The following TJP3 variants were observed in gnomAD, a reference collection of about 807,000 sequenced individuals.
TJP3 encodes the protein tight junction protein ZO-3.
TJP3 carries 85 observed loss-of-function variants against 104.2 expected under a neutral mutation model. The ratio of observed to expected loss-of-function variants is 0.82; its 90% CI spans 0.68 to 0.98. The LOEUF (loss-of-function observed/expected upper bound fraction) is 0.98, where lower values mean the gene tolerates loss of function less well. TJP3 is among the 50% of genes least tolerant of loss of function. The probability of loss-of-function intolerance (pLI) is 0.00; values close to 1 mark genes in which losing one functional copy is unlikely to be tolerated. For synonymous variants in TJP3, 550 were observed against 550.6 expected (o/e 1.00, Z 0.02); for missense variants, 1,367 against 1,322.8 (o/e 1.03, Z -0.52).
Position 3,740,744 on chromosome 19 carries a change from A to G in TJP3, c.1824A>G (p.Glu608=), listed in dbSNP as rs2036804802. ...GACAGGGCCGCTACCCGCCCTACGA[A>G]CGAGTGGTGTTGCGAGAAGGTGGGG... The part of the protein sequence containing the change: ...LTRQGRYPPY[E]RVVLREASFK... Residue 608 remains glutamate, a synonymous_variant, in exon 14 of 21, where the codon GAA becomes GAG. Transcript: ENST00000541714. 1.9e-6 allele frequency: 3 copies of G among 1,587,300 alleles called. No homozygotes were observed. The highest frequency in any genetic ancestry group is 2.6e-6 in the Non-Finnish European group (3 of 1,167,778).
intron 15 of TJP3, among the ~76,000 whole-genome samples, 180 bp from the exon 16 acceptor site, chr19:3,745,831 G>A (rs951151555): frequency 6.6e-6 from 1 of 152,248 alleles, no homozygotes; most frequent in African/African-American, 2.4e-5. Flanking sequence ...GAGGTCAGGA[G>A]GGGATGTGAG....
intron 1 of TJP3, among the ~76,000 whole-genome samples, chr19:3,712,483 C>T (rs1187374525): frequency 6.6e-6 from 1 of 152,152 alleles, no homozygotes; most frequent in Non-Finnish European, 1.5e-5. Flanking sequence ...TCCTTAGTGG[C>T]AGATGCTTAA....
rs13345836 is a variant in TJP3, at chr19:3,717,265, C to T, written c.-10+8704C>T. On this transcript the variant is annotated intron_variant, in intron 1 of 20. Transcript: ENST00000541714. ...CAGGCACGAGCCACCACGCCTGGCC[C>T]ATGACTGTTATATTTTTAGTACAGA... 8.4e-3 allele frequency among the ~76,000 whole-genome samples: 1,202 copies of T among 143,338 alleles called. 42 individuals are homozygous for T. Among genetic ancestry groups the T allele is most frequent in the African/African-American group, 0.028 (1,156 of 40,704 alleles). 94.0% of individuals were successfully genotyped at this position (143,338 alleles called of 152,430 possible).
At position 3,733,806 on chromosome 19, in the gene TJP3, T is replaced by C; in HGVS notation, c.771T>C (p.Ile257=). ...CACTGAACGACACCCGGCGACTGAT[T>C]GAGAAGTCAGAAGGGAAGCTAAGCC... ...NLSLNDTRRL[I]EKSEGKLSLL... Residue 257 remains isoleucine (I), a synonymous_variant, in exon 7 of 21, where the codon ATT becomes ATC. Coordinates refer to ENST00000541714, the MANE Select transcript of TJP3 (RefSeq NM_001267560.2). The C allele has an allele frequency of 6.2e-7, 1 of 1,614,152 alleles. No individual in the cohort carries two copies. Among genetic ancestry groups the C allele is most frequent in the South Asian group, 1.1e-5 (1 of 91,084 alleles).
chr19:3,729,143 A>C (rs1181667319), intron 3 of TJP3, among the ~76,000 whole-genome samples: 1 of 152,188 alleles, frequency 6.6e-6, no homozygotes, highest in East Asian at 1.9e-4. Context: ...GCAGTAGGAC[A>C]GTGTCAGAGA....
rs372053848 is a variant in TJP3 at position 3,747,911 on chromosome 19, G to A, written c.2440G>A (p.Gly814Ser). The stretch of plus-strand genomic sequence containing the variant: ...CGACTACGAGACGGACGGCGAGGGC[G>A]GCGCGTACACGGATGGCGAGGGCTA... ...NSDYETDGEG[G>S]AYTDGEGYTD... The change falls in exon 19 of 21, where the codon GGC (glycine) becomes AGC (serine). Residue 814 changes from glycine to serine, a missense_variant. Gly to Ser is a moderately conservative substitution (Grantham distance 56, BLOSUM62 0). Coordinates refer to ENST00000541714, the MANE Select transcript of TJP3 (RefSeq NM_001267560.2). The A allele has an allele frequency of 2.1e-5, 34 of 1,613,152 alleles. No homozygotes were observed. The highest frequency in any genetic ancestry group is 2.6e-5 in the Non-Finnish European group (31 of 1,179,930).
chr19:3,718,255 GTCTGTGTGTGTGTA>G (rs1568378244), intron 1 of TJP3, among the ~76,000 whole-genome samples: 5 of 49,394 alleles, frequency 1.0e-4, no homozygotes, highest in African/African-American at 4.4e-4. Context: ...GTGTGTGTGT[GTCTGTGTGTGTGTA>G]GAGATGGAAG....
Position 3,735,868 on chromosome 19 carries a change from G to A in TJP3, c.1061-1G>A. The A allele has an allele frequency of 6.2e-7, 1 of 1,614,128 alleles. No individual in the cohort carries two copies. The highest frequency in any genetic ancestry group is 8.5e-7 in the Non-Finnish European group (1 of 1,180,028). ...GAAAGAGACTGGCTTTTCCCTTTCA[G>A]AGTTGCCCAGGGAAAGCAGCTATGA... On this transcript the variant is annotated splice_acceptor_variant, in intron 9 of 20. Transcript: ENST00000541714. LOFTEE classifies it high-confidence loss of function.
At chr19:3,745,357 T>C (rs1283649087) in intron 15 of TJP3, among the ~76,000 whole-genome samples, 6 of 152,022 alleles carry the variant, frequency 3.9e-5, no homozygotes, top group Admixed American at 1.3e-4. Context: ...TTGGCCAGGC[T>C]GGTCTCAAAC....
At chr19:3,749,280 CA>C (rs2036956303) in intron 19 of TJP3, among the ~76,000 whole-genome samples, 2 of 152,100 alleles carry the variant, frequency 1.3e-5, no homozygotes, top group Non-Finnish European at 2.9e-5. Flanking sequence ...GTGCTCAGCC[CA>C]AGTTTTGGCA....
chr19:3,734,120 C>A (rs1312222542), intron 7 of TJP3, among the ~76,000 whole-genome samples: 1 of 152,162 alleles, frequency 6.6e-6, no homozygotes, highest in Non-Finnish European at 1.5e-5. Flanking sequence ...CTCCTGGGTT[C>A]GAGCGATTCT....
chr19:3,717,984 G>GT (rs1248844146), intron 1 of TJP3, among the ~76,000 whole-genome samples: 5 of 151,420 alleles, frequency 3.3e-5, no homozygotes, highest in Admixed American at 3.3e-4. Flanking sequence ...GGGAGGCCGA[G>GT]GGGGGCGGAT....
chr19:3,733,373 G>A (rs2036697132), intron 6 of TJP3, among the ~76,000 whole-genome samples: 2 of 152,180 alleles, frequency 1.3e-5, no homozygotes, highest in Non-Finnish European at 2.9e-5. Flanking sequence ...AGAAGATTGT[G>A]TGTTTCTAGT....
At chr19:3,750,382 A>G (rs1445497654) in intron 20 of TJP3, among the ~76,000 whole-genome samples, 198 bp downstream of exon 20, 12 of 152,130 alleles carry the variant, frequency 7.9e-5, no homozygotes, top group South Asian at 2.1e-4. Context: ...AGGCCTAGGA[A>G]GGCTTCTTGA....
At chr19:3,745,469 CA>C (rs35298385) in intron 15 of TJP3, among the ~76,000 whole-genome samples, 1 of 151,904 alleles carries the variant, frequency 6.6e-6, no homozygotes, top group Non-Finnish European at 1.5e-5. Context: ...ACCACAAAAA[CA>C]AAAAGGGGGG....
chr19:3,735,968 A>G, intron 10 of TJP3, 33 bp downstream of exon 10: 2 of 1,612,932 alleles, frequency 1.2e-6, no homozygotes, highest in Non-Finnish European at 1.7e-6. Context: ...AACCCGCTCA[A>G]AACTCCTACA....
In TJP3 at chr19:3,734,432, C is replaced by T; in HGVS notation, c.983C>T (p.Pro328Leu). The T allele has an allele frequency of 6.2e-7, 1 of 1,606,028 alleles. No homozygotes were observed. Among genetic ancestry groups the T allele is most frequent in the Non-Finnish European group, 8.5e-7 (1 of 1,177,438 alleles). The stretch of plus-strand genomic sequence containing the variant: ...CCCGAGGCCAGCCAGACCGACTCTC[C>T]CGTGTAAGTATCACCCATCGGCCAG... The part of the protein sequence containing the change: ...RSPEASQTDS[P>L]VESPRLRRES... The change falls in exon 8 of 21, where the codon CCC (proline) becomes CTC (leucine). Residue 328 changes from proline (P) to leucine (L), a missense_variant. Pro to Leu is a moderately conservative substitution (Grantham distance 98). Coordinates refer to ENST00000541714, the MANE Select transcript of TJP3 (RefSeq NM_001267560.2).
At chr19:3,729,974 T>TAC in intron 3 of TJP3, 54 bp from the exon 4 acceptor site, 1 of 1,506,030 alleles carries the variant, frequency 6.6e-7, no homozygotes. Context: ...GAGGGCTTGT[T>TAC]ACGAGGGTCT....
At position 3,746,336 on chromosome 19, in the gene TJP3, C is replaced by G; in HGVS notation, c.2011-149C>G. ...GATGCCCAAGATGCTGCGACCTGGG[C>G]TGTTACCACCCCCATCCCCAACTTG... is the stretch of plus-strand genomic sequence containing the variant. On this transcript the variant is annotated intron_variant, in intron 16 of 20. Coordinates refer to ENST00000541714, the MANE Select transcript of TJP3 (RefSeq NM_001267560.2). The surrounding 1 kb of genome is among the most constrained non-coding windows in gnomAD (Gnocchi z 4.1). 1.1e-6 allele frequency: 1 copy of G among 877,424 alleles called. No homozygotes were observed. The highest frequency in any genetic ancestry group is 2.6e-5 in the East Asian group (1 of 37,982). The allele number at this position is 877,424 out of a possible 1,614,324, so 54.4% of individuals were successfully genotyped here.
Sources: allele counts gnomAD v4.1 joint callset (sites outside exome capture counted in the v4.1 genomes callset), GRCh38; gene constraint gnomAD v4.1.1; non-coding constraint Gnocchi (gnomAD v3.1); transcripts MANE v1.5; gene names NCBI Gene and HGNC (gene_info 2026-07-23, HGNC 2026-07-21).